The following ENO4 variants were observed in gnomAD, a reference collection of about 807,000 sequenced individuals.
ENO4 encodes the protein 2-phospho-D-glycerate hydro-lyase.
In ENO4, 53 loss-of-function variants were observed where a neutral mutation model predicts 63.2. The observed-to-expected ratio is 0.84, with a 90% CI of 0.67 to 1.05. The LOEUF (loss-of-function observed/expected upper bound fraction) is 1.05. Among genes scored for constraint, ENO4 ranks in the 50% least tolerant of loss-of-function variants. The pLI is 0.00. For synonymous variants in ENO4, 266 were observed against 283.8 expected (o/e 0.94, Z 0.63); for missense variants, 719 against 772.0 (o/e 0.93, Z 0.81).
chr10:116,908,985 G>A (rs1281305614), intron 10 of ENO4, among the ~76,000 whole-genome samples: 1 of 152,202 alleles, frequency 6.6e-6, no homozygotes, highest in African/African-American at 2.4e-5. Flanking sequence ...ACTCTCAACT[G>A]AAATGATGAA....
chr10:116,862,714 G>A (rs1846448079), intron 6 of ENO4, 85 bp from the exon 7 acceptor site: 1 of 929,320 alleles, frequency 1.1e-6, no homozygotes, highest in Admixed American at 2.1e-5. Flanking sequence ...AATACTCTGA[G>A]TTAGAAATAG....
chr10:116,881,353 T>C (rs1847002207), intron 13 of ENO4, 162 bp from the exon 14 acceptor site: 8 of 569,202 alleles, frequency 1.4e-5, no homozygotes, highest in Admixed American at 7.0e-5. Context: ...ACAATTAACA[T>C]ATAACCAAAG....
At chr10:116,879,006 G>C (rs928387315) in intron 11 of ENO4, among the ~76,000 whole-genome samples, 1 of 152,108 alleles carries the variant, frequency 6.6e-6, no homozygotes, top group African/African-American at 2.4e-5. Context: ...GCCTCCCAAA[G>C]TGCTGGGATT....
At chr10:116,861,632 C>T (rs763576846) in intron 6 of ENO4, among the ~76,000 whole-genome samples, 2 of 152,150 alleles carry the variant, frequency 1.3e-5, no homozygotes, top group Non-Finnish European at 2.9e-5. Flanking sequence ...GAATAAATCT[C>T]AAGTTGCAGG....
chr10:116,872,049 T>C (rs145464752), intron 9 of ENO4, among the ~76,000 whole-genome samples: 4,505 of 152,136 alleles, frequency 0.03, 108 homozygotes, highest in Non-Finnish European at 0.045. Flanking sequence ...TGCAAAAAAT[T>C]AGCTGGGCGT....
chr10:116,853,000 A>G (rs1280104387), intron 1 of ENO4, among the ~76,000 whole-genome samples: 1 of 152,168 alleles, frequency 6.6e-6, no homozygotes, highest in African/African-American at 2.4e-5. Context: ...GTCTGTTACA[A>G]AGCAGTAGAT....
intron 9 of ENO4, chr10:116,873,761 C>G (rs1036124545): frequency 8.5e-6 from 4 of 471,452 alleles, no homozygotes; most frequent in Non-Finnish European, 1.1e-5. Context: ...TATTGTCCAT[C>G]TACGCAGGCA....
chr10:116,895,704 T>G (rs1847493855), intron 10 of ENO4, among the ~76,000 whole-genome samples: 2 of 152,170 alleles, frequency 1.3e-5, no homozygotes, highest in African/African-American at 4.8e-5. Flanking sequence ...CTTAAGCTCT[T>G]AAGACACTAA....
Position 116,859,017 on chromosome 10 carries a change from A to G in ENO4, c.513A>G (p.Glu171=). The part of the protein sequence containing the change: ...LRIFFASKVQ[E]DKGRKELEKS... ...TATTCTTCGCAAGTAAAGTACAAGA[A>G]GATAAGGGGAGAAAAGAATTGGAAA... The change falls in exon 4 of 14, where the codon GAA becomes GAG. Residue 171 remains glutamate (E), a synonymous_variant. Transcript: ENST00000341276. The G allele has an allele frequency of 6.5e-7, 1 of 1,535,618 alleles. No homozygotes were observed. The highest frequency in any genetic ancestry group is 1.2e-5 in the South Asian group (1 of 83,998).
chr10:116,892,777 C>T lies in ENO4; in HGVS notation c.1194+12791C>T, dbSNP rs560539968. Among the ~76,000 whole-genome samples the T allele has an allele frequency of 3.3e-5, 5 of 152,132 alleles. No individual in the cohort carries two copies. The East Asian group carries it at 7.7e-4, about 23-fold the overall frequency. On this transcript the variant is annotated intron_variant, in intron 10 of 10. Coordinates refer to the ENO4 transcript ENST00000369207. ...AAATTGGGTCAGTTTATTCTGAGAT[C>T]TGACATTGCATTTGAGTTTTAGCTT...
At chr10:116,897,428 G>A (rs746214899) in intron 10 of ENO4, among the ~76,000 whole-genome samples, 8 of 152,002 alleles carry the variant, frequency 5.3e-5, no homozygotes, top group Non-Finnish European at 1.0e-4. Flanking sequence ...AAGCTGAAAG[G>A]GACTCTGTAC....
intron 10 of ENO4, among the ~76,000 whole-genome samples, chr10:116,894,743 G>A (rs979386453): frequency 1.2e-4 from 18 of 152,188 alleles, no homozygotes; most frequent in African/African-American, 2.4e-5. Context: ...CTGTTAGGAG[G>A]ATATTCACCT....
intron 13 of ENO4, among the ~76,000 whole-genome samples, chr10:116,880,650 A>G (rs1010083961): frequency 3.3e-5 from 5 of 152,182 alleles, no homozygotes; most frequent in Non-Finnish European, 7.4e-5. Flanking sequence ...CGGTCTTGAA[A>G]TGCATCCTAG....
At chr10:116,886,096 T>C (rs1564858098), downstream of ENO4, 1 of 528,190 alleles carries the variant, frequency 1.9e-6, no homozygotes, top group East Asian at 3.2e-5. Flanking sequence ...TCATACTTAA[T>C]ACAGTAACTA....
intron 7 of ENO4, among the ~76,000 whole-genome samples, chr10:116,866,169 T>C (rs1846543132): frequency 6.6e-6 from 1 of 152,216 alleles, no homozygotes; most frequent in African/African-American, 2.4e-5. Context: ...ATTTATATCT[T>C]AATTTCACCT....
Position 116,903,920 on chromosome 10 carries a change from C to T in ENO4, c.1195-7579C>T, listed in dbSNP as rs556211483. Among the ~76,000 whole-genome samples the T allele has an allele frequency of 9.2e-5, 14 of 152,292 alleles. No homozygotes were observed. The South Asian group carries it at 2.7e-3, about 29-fold the overall frequency. On this transcript the variant is annotated intron_variant, in intron 10 of 10. Transcript: ENST00000369207. Reference sequence around the variant, plus strand: ...CCTGTTTAAGCCACCCAGTGTTCTCCAAGAGGCACTTGCTGCTCTTTGAAA... The same window carrying T: ...CCTGTTTAAGCCACCCAGTGTTCTCTAAGAGGCACTTGCTGCTCTTTGAAA...
At chr10:116,884,849 T>G (rs1213837438), downstream of ENO4, 1 of 154,344 alleles carries the variant, frequency 6.5e-6, no homozygotes, top group Non-Finnish European at 1.4e-5. Context: ...AGAGTTCAAA[T>G]TACAGCATAA....
At chr10:116,876,472 C>A (rs1365744512) in intron 11 of ENO4, among the ~76,000 whole-genome samples, 1 of 152,248 alleles carries the variant, frequency 6.6e-6, no homozygotes, top group Non-Finnish European at 1.5e-5. Context: ...TCCAAGCTCA[C>A]CCCCTTTACT....
chr10:116,889,231 C>T (rs1476733140), intron 10 of ENO4, among the ~76,000 whole-genome samples: 3 of 152,194 alleles, frequency 2.0e-5, no homozygotes, highest in South Asian at 2.1e-4. Context: ...GCTCTCTGGG[C>T]TCCACAGCAG....
Sources: gnomAD v4.1 joint callset for allele counts (sites outside exome capture counted in the v4.1 genomes callset) on GRCh38, gnomAD v4.1.1 for gene constraint, MANE v1.5 for transcripts, NCBI Gene and HGNC (gene_info 2026-07-23, HGNC 2026-07-21) for gene names.